Variants in INSL6 observed in about 807,000 individuals in gnomAD.
The protein encoded by INSL6 is insulin-like peptide INSL6.
In INSL6, 16 loss-of-function variants were observed where a neutral mutation model predicts 9.4. That is an observed-to-expected ratio of 1.70 (90% CI 1.15 to 2.59). The LOEUF is 2.59. Ranked by LOEUF, INSL6 falls within the 30% of genes most tolerant of loss-of-function variation. The pLI, the probability that INSL6 is intolerant of heterozygous loss-of-function variation, is 0.00. For synonymous variants in INSL6, 154 were observed against 96.9 expected, an observed-to-expected ratio of 1.59 and a Z score of -3.46; for missense variants, 391 against 257.3, an observed-to-expected ratio of 1.52 and a Z score of -3.56.
intron 2 of INSL6, among the ~76,000 whole-genome samples, chr9:5,142,955 T>C (rs1440129540): frequency 1.3e-5 from 2 of 152,210 alleles, no homozygotes; most frequent in Non-Finnish European, 2.9e-5. Flanking sequence ...ATTGAGATAA[T>C]CATGTGGTTT....
At chr9:5,047,189 TATC>T in the INSL6 span, among the ~76,000 whole-genome samples, 9 of 152,234 alleles carry the variant, frequency 5.9e-5, no homozygotes, top group Admixed American at 5.9e-4. Context: ...ATTGTACTGT[TATC>T]ATTTTATATT....
chr9:5,044,638 G>A, the INSL6 span: 1 of 582,522 alleles, frequency 1.7e-6, no homozygotes, highest in Non-Finnish European at 3.0e-6. Flanking sequence ...GTCTTGCACA[G>A]CAGGTGCAGA....
chr9:5,100,932 G>A, the INSL6 span: 1 of 152,216 alleles, frequency 6.6e-6, no homozygotes, highest in South Asian at 2.1e-4. Flanking sequence ...GTCTGAATAG[G>A]AATAGCTCCA....
the INSL6 span, chr9:5,111,469 C>A: frequency 1.3e-5 from 5 of 386,736 alleles, no homozygotes; most frequent in African/African-American, 1.1e-4. Flanking sequence ...CGTACCTGCC[C>A]AGCTCAGGTG....
At chr9:5,153,810 A>G (rs1206875415) in intron 2 of INSL6, among the ~76,000 whole-genome samples, 1 of 152,244 alleles carries the variant, frequency 6.6e-6, no homozygotes, top group East Asian at 1.9e-4. Context: ...CCACTGCTCA[A>G]GGAAATAAGA....
At chr9:5,003,056 G>A in the INSL6 span, among the ~76,000 whole-genome samples, 1 of 151,832 alleles carries the variant, frequency 6.6e-6, no homozygotes, top group African/African-American at 2.4e-5. Context: ...ATGTGAGTAT[G>A]TTTTTTTGGA....
At chr9:4,992,513 G>T in the INSL6 span, among the ~76,000 whole-genome samples, 15 of 152,044 alleles carry the variant, frequency 9.9e-5, no homozygotes, top group Admixed American at 9.8e-4. Flanking sequence ...GCCATAGTTT[G>T]CCATTTTGCC....
At chr9:5,092,135 G>A in the INSL6 span, among the ~76,000 whole-genome samples, 10 of 152,176 alleles carry the variant, frequency 6.6e-5, no homozygotes, top group African/African-American at 2.4e-4. Flanking sequence ...TTAGGTCAAC[G>A]TGTAGCTCAT....
intron 1 of INSL6, among the ~76,000 whole-genome samples, chr9:5,175,349 A>AC (rs1355823921): frequency 6.6e-6 from 1 of 151,734 alleles, no homozygotes; most frequent in African/African-American, 2.4e-5. Context: ...CTCATCTAAG[A>AC]CCCTCCCTAA....
intron 3 of INSL6, among the ~76,000 whole-genome samples, chr9:5,129,419 G>C (rs986894273): frequency 5.9e-5 from 9 of 152,042 alleles, no homozygotes; most frequent in Non-Finnish European, 2.9e-5. Flanking sequence ...CCACTGTATT[G>C]TCTTTAATGA....
the INSL6 span, among the ~76,000 whole-genome samples, chr9:5,066,204 G>A: frequency 6.6e-6 from 1 of 152,048 alleles, no homozygotes; most frequent in Non-Finnish European, 1.5e-5. Flanking sequence ...AAAACCAGTA[G>A]TCTTTGTCAG....
chr9:5,119,802 C>T (rs1161631314), downstream of INSL6, among the ~76,000 whole-genome samples: 1 of 151,900 alleles, frequency 6.6e-6, no homozygotes, highest in Non-Finnish European at 1.5e-5. Context: ...ACTTAATGAA[C>T]ACAAAAAATA....
chr9:5,118,885 G>A (rs1675224284), downstream of INSL6, among the ~76,000 whole-genome samples: 1 of 152,096 alleles, frequency 6.6e-6, no homozygotes, highest in South Asian at 2.1e-4. Context: ...TTTCAAAAAT[G>A]AGTTTACTAA....
At chr9:5,054,309 G>A in the INSL6 span, among the ~76,000 whole-genome samples, 48 of 152,056 alleles carry the variant, frequency 3.2e-4, no homozygotes, top group East Asian at 9.3e-3. This position sits in a 1 kb window ranked among gnomAD's most constrained non-coding sequence, Gnocchi z 4.9. Flanking sequence ...ATTTCATTAG[G>A]GGAAGAAGAT....
the INSL6 span, among the ~76,000 whole-genome samples, chr9:4,993,552 G>A: frequency 4.6e-5 from 7 of 152,194 alleles, no homozygotes; most frequent in African/African-American, 1.4e-4. Context: ...CCATGTTAAT[G>A]TAGGTGACAG....
chr9:5,071,183 GA>G, the INSL6 span, among the ~76,000 whole-genome samples: 1 of 152,044 alleles, frequency 6.6e-6, no homozygotes. Flanking sequence ...GTGCTTGGAA[GA>G]AACAAAAAAA....
At chr9:5,156,399 T>A (rs1052984995) in intron 2 of INSL6, among the ~76,000 whole-genome samples, 4 of 152,220 alleles carry the variant, frequency 2.6e-5, no homozygotes, top group African/African-American at 9.6e-5. Context: ...TGAATATCTC[T>A]ATGGCTATTG....
At chr9:5,025,157 T>C in the INSL6 span, among the ~76,000 whole-genome samples, 2 of 151,376 alleles carry the variant, frequency 1.3e-5, no homozygotes, top group African/African-American at 4.9e-5. Flanking sequence ...TTCCTGTTTC[T>C]GGGAGAAGGA....
the INSL6 span, chr9:5,029,922 A>G: frequency 5.1e-6 from 8 of 1,572,202 alleles, no homozygotes; most frequent in South Asian, 1.2e-5. Flanking sequence ...TTCTTCAGTA[A>G]AGTAACTCAC....
Sources: allele counts gnomAD v4.1 joint callset (sites outside exome capture counted in the v4.1 genomes callset), GRCh38; gene constraint gnomAD v4.1.1; non-coding constraint Gnocchi (gnomAD v3.1); transcripts MANE v1.5; gene names NCBI Gene and HGNC (gene_info 2026-07-23, HGNC 2026-07-21).